The following MARK4 variants were observed in gnomAD, a reference collection of about 807,000 sequenced individuals.
MARK4 encodes MAP/microtubule affinity-regulating kinase 4.
A neutral mutation model predicts 81.5 loss-of-function variants in MARK4; 19 were observed. The observed-to-expected ratio is 0.23, with a 90% confidence interval of 0.16 to 0.34. The LOEUF is 0.34. Among genes scored for constraint, MARK4 ranks in the 10% least tolerant of loss-of-function variants. MARK4 has a pLI of 1.00. For synonymous variants in MARK4, 436 were observed against 439.0 expected (o/e 0.99, Z 0.08); for missense variants, 772 against 1,058.8 (o/e 0.73, Z 3.76).
chr19:45,299,138 C>T (rs1970932189), intron 15 of MARK4, among the ~76,000 whole-genome samples: 2 of 149,936 alleles, frequency 1.3e-5, no homozygotes, highest in African/African-American at 4.9e-5. Flanking sequence ...TGGGGTGCAG[C>T]ATTAAATGGG....
At position 45,257,607 on chromosome 19, in the gene MARK4, C is replaced by T. The variant is rs142075702; in HGVS notation, c.52-1382C>T. On this transcript the variant is annotated intron_variant, in intron 1 of 16. Coordinates refer to ENST00000262891, the MANE Select transcript of MARK4 (RefSeq NM_001199867.2). Reference sequence around the variant, plus strand: ...CCGTGTTGGCCAGGCAAGTTTCACACTCTGACCTCAGGTGATCCACCTGCC... The same window carrying T: ...CCGTGTTGGCCAGGCAAGTTTCACATTCTGACCTCAGGTGATCCACCTGCC... Among the ~76,000 whole-genome samples, 903 of 151,892 alleles carry T rather than the reference C, an allele frequency of 5.9e-3. 9 individuals are homozygous for T. Among genetic ancestry groups the T allele is most frequent in the African/African-American group, 0.02 (834 of 41,424 alleles).
At chr19:45,289,163 G>A (rs1200191074) in intron 13 of MARK4, among the ~76,000 whole-genome samples, 4 of 152,052 alleles carry the variant, frequency 2.6e-5, no homozygotes, top group African/African-American at 7.2e-5. Context: ...TCCGAGGAGG[G>A]TGGATCATGA....
At chr19:45,262,398 A>T (rs1970392295) in intron 2 of MARK4, among the ~76,000 whole-genome samples, 1 of 152,100 alleles carries the variant, frequency 6.6e-6, no homozygotes, top group Admixed American at 6.6e-5. Context: ...TAATCCTAGC[A>T]CTTATCTCAC....
Position 45,271,821 on chromosome 19 carries a change from A to C in MARK4, c.786+113A>C. The stretch of plus-strand genomic sequence containing the variant: ...AGTGGTGGGACTGGCCTGAGTTCTC[A>C]TGGGAAGATGGGGGATGGGCAGGAT... On this transcript the variant is annotated intron_variant, in intron 8 of 16. Transcript: ENST00000262891. The surrounding 1 kb of genome is among the most constrained non-coding windows in gnomAD (Gnocchi z 4.1). The C allele has an allele frequency of 5.5e-5, 54 of 978,108 alleles. No individual in the cohort carries two copies. Among genetic ancestry groups the C allele is most frequent in the Non-Finnish European group, 7.8e-5 (51 of 654,426 alleles). 60.6% of individuals were successfully genotyped at this position (978,108 alleles called of 1,614,324 possible).
chr19:45,262,944 T>C (rs983381409), intron 2 of MARK4, 169 bp from the exon 3 acceptor site: 34 of 687,334 alleles, frequency 4.9e-5, no homozygotes, highest in Non-Finnish European at 7.9e-5. Flanking sequence ...TTTGTATTTT[T>C]AGTAAAGACA....
At chr19:45,286,730 AAAG>A (rs1011736620) in intron 12 of MARK4, among the ~76,000 whole-genome samples, 8 of 152,258 alleles carry the variant, frequency 5.3e-5, no homozygotes, top group Non-Finnish European at 8.8e-5. Context: ...AAATTAAAAA[AAAG>A]AAGGAAACTT....
intron 2 of MARK4, among the ~76,000 whole-genome samples, chr19:45,260,311 G>T (rs1157316135): frequency 6.8e-6 from 1 of 146,826 alleles, no homozygotes; most frequent in Admixed American, 6.8e-5. Context: ...AATTGCTTGA[G>T]CCCAGGAGGC....
intron 13 of MARK4, among the ~76,000 whole-genome samples, chr19:45,293,121 T>C (rs1325014291): frequency 6.6e-6 from 1 of 151,924 alleles, no homozygotes; most frequent in Non-Finnish European, 1.5e-5. Flanking sequence ...TACAAAAAAT[T>C]AGCTGGATGT....
At chr19:45,273,197 A>G (rs893275238) in intron 8 of MARK4, among the ~76,000 whole-genome samples, 8 of 152,132 alleles carry the variant, frequency 5.3e-5, no homozygotes, top group Admixed American at 1.3e-4. Context: ...AAAAGTTGCA[A>G]CAGTAGAGCA....
chr19:45,260,126 A>G (rs1970362302), intron 2 of MARK4, among the ~76,000 whole-genome samples: 1 of 151,666 alleles, frequency 6.6e-6, no homozygotes, highest in African/African-American at 2.4e-5. Context: ...GCGGTGGCTC[A>G]CTCCTATAGT....
rs900375404 is a variant in MARK4 at position 45,271,651 on chromosome 19, A to G, written c.729A>G (p.Gly243=). Residue 243 remains glycine, a synonymous_variant, in exon 8 of 17, where the codon GGA becomes GGG. Transcript: ENST00000262891. The surrounding 1 kb of genome is among the most constrained non-coding windows in gnomAD (Gnocchi z 4.1). ...DGPEVDIWSL[G]VILYTLVSGS... Reference sequence around the variant, plus strand: ...CGGAGGTGGACATCTGGAGCCTGGGAGTCATCCTGTACACCCTCGTCAGCG... The same window carrying G: ...CGGAGGTGGACATCTGGAGCCTGGGGGTCATCCTGTACACCCTCGTCAGCG... 8.1e-6 allele frequency: 13 copies of G among 1,614,068 alleles called. No individual in the cohort carries two copies. The African/African-American group carries it at 1.6e-4, about 20-fold the overall frequency.
intron 14 of MARK4, among the ~76,000 whole-genome samples, chr19:45,295,265 A>G (rs920728451): frequency 4.3e-4 from 66 of 152,040 alleles, no homozygotes; most frequent in African/African-American, 1.6e-3. Context: ...AGGCAGAGGC[A>G]GGACAATGGC....
chr19:45,286,066 T>C (rs1970738595), intron 12 of MARK4, among the ~76,000 whole-genome samples: 1 of 152,122 alleles, frequency 6.6e-6, no homozygotes, highest in Non-Finnish European at 1.5e-5. Context: ...GTTGTTTTTG[T>C]TTTGTTTTTT....
At chr19:45,268,239 G>A (rs1053868717) in intron 7 of MARK4, among the ~76,000 whole-genome samples, 2 of 151,992 alleles carry the variant, frequency 1.3e-5, no homozygotes, top group African/African-American at 4.8e-5. Context: ...CCAGAAGTTC[G>A]AGAACAGCCT....
At position 45,251,561 on chromosome 19, in the gene MARK4, CG is replaced by C; in HGVS notation, c.-27del. 8.5e-7 allele frequency: 1 copy of C among 1,182,360 alleles called. No individual in the cohort carries two copies. The highest frequency in any genetic ancestry group is 1.1e-6 in the Non-Finnish European group (1 of 902,982). 73.2% of individuals were successfully genotyped at this position (1,182,360 alleles called of 1,614,324 possible). A position where few individuals can be genotyped will look rare whatever the true frequency, so the allele number is the denominator to read the frequency against. On this transcript the variant is annotated 5_prime_UTR_variant, in exon 1 of 17. Transcript: ENST00000262891. ...GGGACCCCCGCCCCCCCCACCCGGCCGCCCCTGCCCCCCGGGACCCGGAGAA... is the reference window on the plus strand; with the variant it reads ...GGGACCCCCGCCCCCCCCACCCGGCCCCCCTGCCCCCCGGGACCCGGAGAA...
At chr19:45,267,776 T>C (rs2123046862) in intron 7 of MARK4, among the ~76,000 whole-genome samples, 1 of 152,304 alleles carries the variant, frequency 6.6e-6, no homozygotes, top group South Asian at 2.1e-4. Flanking sequence ...TTCTCTCACC[T>C]CAGCCTCCTG....
intron 16 of MARK4, among the ~76,000 whole-genome samples, chr19:45,301,401 T>A (rs1970969953): frequency 1.3e-5 from 2 of 151,014 alleles, no homozygotes; most frequent in Admixed American, 6.6e-5. Context: ...CCGTCTCTAC[T>A]AAAAATACAA....
At position 45,263,232 on chromosome 19, in the gene MARK4, CCCTT is replaced by C. The variant is rs977432350; in HGVS notation, c.306+70_306+73del. 2.7e-5 allele frequency: 44 copies of C among 1,613,554 alleles called. No homozygotes were observed. The African/African-American group carries it at 5.1e-4, about 19-fold the overall frequency. On this transcript the variant is annotated intron_variant, in intron 3 of 16. Transcript: ENST00000262891. ...CGGCACAGCCGGGTGACCCACCTGA[CCCTT>C]CCTGCGGGGGCCCGGCTGGGGAAAG...
chr19:45,287,747 G>A (rs768824689), intron 13 of MARK4, 83 bp downstream of exon 13: 7 of 1,451,428 alleles, frequency 4.8e-6, no homozygotes, highest in Non-Finnish European at 6.6e-6. Context: ...TCATTCCCCA[G>A]ACGGAACTCC....
Sources: gnomAD v4.1 joint callset for allele counts (sites outside exome capture counted in the v4.1 genomes callset) on GRCh38, gnomAD v4.1.1 for gene constraint, Gnocchi (gnomAD v3.1) non-coding constraint, MANE v1.5 for transcripts, NCBI Gene and HGNC (gene_info 2026-07-23, HGNC 2026-07-21) for gene names.